Variants in SEC61B observed in about 807,000 individuals in gnomAD.
The protein encoded by SEC61B is protein transport protein Sec61 subunit beta.
A neutral mutation model predicts 12.6 loss-of-function variants in SEC61B; 7 were observed. That is an observed-to-expected ratio of 0.55 (90% CI 0.32 to 1.04). The LOEUF (loss-of-function observed/expected upper bound fraction) is 1.04, where lower values mean the gene tolerates loss of function less well. Ranked by LOEUF, SEC61B falls within the 50% of genes least tolerant of loss-of-function variation. The pLI is 0.05. For synonymous variants in SEC61B, 54 were observed against 50.1 expected, an observed-to-expected ratio of 1.08 and a Z score of -0.33; for missense variants, 107 against 130.1, an observed-to-expected ratio of 0.82 and a Z score of 0.86.
At position 99,230,413 on chromosome 9, in the gene SEC61B, A is replaced by C. The variant is rs1471022203; in HGVS notation, c.280A>C (p.Thr94Pro). The change falls in exon 4 of 4, where the codon ACT becomes CCT. Residue 94 changes from threonine (T) to proline (P), a missense_variant. Transcript: ENST00000223641. ...VFMLHIWGKY[T>P]RS ...TATGTTGCACATTTGGGGCAAGTACACTCGTTCGTAGATTCAGTTACATCC... is the reference window on the plus strand; with the variant it reads ...TATGTTGCACATTTGGGGCAAGTACCCTCGTTCGTAGATTCAGTTACATCC... The C allele has an allele frequency of 6.2e-7, 1 of 1,605,138 alleles. No individual in the cohort carries two copies. The highest frequency in any genetic ancestry group is 8.5e-7 in the Non-Finnish European group (1 of 1,174,444).
intron 3 of SEC61B, among the ~76,000 whole-genome samples, chr9:99,229,309 G>A (rs1000334666): frequency 9.9e-5 from 15 of 152,130 alleles, no homozygotes; most frequent in Non-Finnish European, 2.2e-4. Flanking sequence ...GAGGTAGTTT[G>A]AGTATTTCAG....
Position 99,228,020 on chromosome 9 carries a change from C to G in SEC61B, c.203+20C>G. ...CAAAGTGTAAGTCTTAGGAACAGTC[C>G]TTGTGTTTCTGTCCAGTGGCAGCAG... On this transcript the variant is annotated intron_variant, in intron 3 of 3. Transcript: ENST00000223641. 1.9e-6 allele frequency: 3 copies of G among 1,582,720 alleles called. No homozygotes were observed. Among genetic ancestry groups the G allele is most frequent in the Non-Finnish European group, 2.6e-6 (3 of 1,152,648 alleles).
intron 3 of SEC61B, among the ~76,000 whole-genome samples, chr9:99,228,702 C>T (rs572039401): frequency 3.5e-4 from 54 of 152,284 alleles, no homozygotes; most frequent in African/African-American, 1.2e-3. Flanking sequence ...GATGAGGATT[C>T]GAAATAATAA....
At chr9:99,222,521 T>C (rs765714355) in intron 1 of SEC61B, 25 bp from the exon 2 acceptor site, 4 of 1,601,798 alleles carry the variant, frequency 2.5e-6, no homozygotes, top group Admixed American at 1.7e-5. Context: ...CGCTCACCCG[T>C]CTGTCTGCTT....
intron 2 of SEC61B, among the ~76,000 whole-genome samples, chr9:99,225,554 T>C (rs774341830): frequency 2.0e-5 from 3 of 152,088 alleles, no homozygotes; most frequent in Non-Finnish European, 4.4e-5. Context: ...TGAAAACCAT[T>C]GTGTTGAGGT....
intron 2 of SEC61B, among the ~76,000 whole-genome samples, chr9:99,225,873 A>G (rs1403553901): frequency 6.6e-6 from 1 of 152,220 alleles, no homozygotes; most frequent in Non-Finnish European, 1.5e-5. Context: ...TAGGAAGTGC[A>G]TGCGTCCAAG....
At chr9:99,230,095 T>A (rs986383868) in intron 3 of SEC61B, among the ~76,000 whole-genome samples, 1 of 152,254 alleles carries the variant, frequency 6.6e-6, no homozygotes, top group African/African-American at 2.4e-5. Context: ...TGTTTTGGTA[T>A]GTTTTACTAA....
intron 2 of SEC61B, among the ~76,000 whole-genome samples, chr9:99,226,070 G>T (rs1828890831): frequency 6.6e-6 from 1 of 152,186 alleles, no homozygotes; most frequent in Admixed American, 6.5e-5. Context: ...GTTATGTTTT[G>T]CCATTTACAA....
intron 2 of SEC61B, among the ~76,000 whole-genome samples, chr9:99,227,249 G>C (rs1828907662): frequency 8.9e-6 from 1 of 111,926 alleles, no homozygotes; most frequent in African/African-American, 3.5e-5. Context: ...CTGGGCAACA[G>C]AGCGAAACTC....
intron 2 of SEC61B, among the ~76,000 whole-genome samples, chr9:99,226,683 G>T (rs118142760): frequency 6.6e-6 from 1 of 152,154 alleles, no homozygotes; most frequent in Non-Finnish European, 1.5e-5. Context: ...ACGATGAGCA[G>T]CTGGGGTTGG....
intron 2 of SEC61B, chr9:99,223,236 C>T (rs577463389): frequency 6.6e-6 from 1 of 151,996 alleles, no homozygotes; most frequent in Admixed American, 6.6e-5. Context: ...TAACCCTTTT[C>T]TTCAGGCTGT....
At chr9:99,229,348 AG>A (rs1226272048) in intron 3 of SEC61B, among the ~76,000 whole-genome samples, 1 of 152,076 alleles carries the variant, frequency 6.6e-6, no homozygotes, top group African/African-American at 2.4e-5. Flanking sequence ...CTTTAGCGAC[AG>A]GGTTTTGCTC....
chr9:99,223,334 A>AGC (rs1564225913), intron 2 of SEC61B, among the ~76,000 whole-genome samples: 11 of 146,990 alleles, frequency 7.5e-5, no homozygotes, highest in African/African-American at 2.5e-4. Flanking sequence ...CAAACAAACA[A>AGC]AAAAAAAAAA....
At chr9:99,223,087 G>A (rs1274025363) in intron 2 of SEC61B, 1 of 154,402 alleles carries the variant, frequency 6.5e-6, no homozygotes, top group Non-Finnish European at 1.4e-5. Context: ...CATTTACTCA[G>A]AGCCAGAAAC....
intron 2 of SEC61B, among the ~76,000 whole-genome samples, chr9:99,227,413 T>TA (rs1405430751): frequency 6.6e-6 from 1 of 152,012 alleles, no homozygotes; most frequent in Non-Finnish European, 1.5e-5. Flanking sequence ...AATTTTAAAA[T>TA]ACATCTTTTA....
At position 99,222,299 on chromosome 9, in the gene SEC61B, G is replaced by T. The variant is rs1461047846; in HGVS notation, c.-65G>T. The T allele has an allele frequency of 6.2e-7, 1 of 1,613,428 alleles. No homozygotes were observed. Among genetic ancestry groups the T allele is most frequent in the East Asian group, 2.2e-5 (1 of 44,862 alleles). The stretch of plus-strand genomic sequence containing the variant: ...CCTGAGTCAGTCTCGCCAGCTGCCG[G>T]TCTTTCGGGGGCTCCGTAACTTTCT... On this transcript the variant is annotated 5_prime_UTR_variant, in exon 1 of 4. Coordinates refer to ENST00000223641, the MANE Select transcript of SEC61B (RefSeq NM_006808.3).
At chr9:99,226,664 A>C (rs1480891387) in intron 2 of SEC61B, among the ~76,000 whole-genome samples, 1 of 152,130 alleles carries the variant, frequency 6.6e-6, no homozygotes, top group Admixed American at 6.5e-5. Flanking sequence ...TACCACTCCA[A>C]CATGGGGCAC....
At chr9:99,227,873 A>G (rs749196852) in intron 2 of SEC61B, 26 bp from the exon 3 acceptor site, 1 of 1,557,672 alleles carries the variant, frequency 6.4e-7, no homozygotes, top group Non-Finnish European at 8.9e-7. Context: ...AGAAAAGGCC[A>G]TTTGTAACAT....
Position 99,227,975 on chromosome 9 carries a change from A to T in SEC61B, c.178A>T (p.Thr60Ser), listed in dbSNP as rs755116427. Residue 60 changes from threonine to serine, a missense_variant, in exon 3 of 4, where the codon ACA becomes TCA. Coordinates refer to ENST00000223641, the MANE Select transcript of SEC61B (RefSeq NM_006808.3). ...CACCGGGGGGATGTGGCGATTCTACACAGAAGATTCACCTGGGCTCAAAGT... is the reference window on the plus strand; with the variant it reads ...CACCGGGGGGATGTGGCGATTCTACTCAGAAGATTCACCTGGGCTCAAAGT... The part of the protein sequence containing the change: ...AGTGGMWRFY[T>S]EDSPGLKVGP... The T allele has an allele frequency of 5.0e-6, 8 of 1,613,984 alleles. No homozygotes were observed.
Sources: allele counts gnomAD v4.1 joint callset (sites outside exome capture counted in the v4.1 genomes callset), GRCh38; gene constraint gnomAD v4.1.1; transcripts MANE v1.5; gene names NCBI Gene and HGNC (gene_info 2026-07-23, HGNC 2026-07-21).